Variants in CNOT1 observed in about 807,000 individuals in gnomAD.
CNOT1 encodes CCR4-associated factor 1.
A neutral mutation model predicts 273.8 loss-of-function variants in CNOT1; 15 were observed. The observed-to-expected ratio is 0.05, with a 90% CI of 0.04 to 0.08. The LOEUF is 0.08. Ranked by LOEUF, CNOT1 falls within the 10% of genes least tolerant of loss-of-function variation. The probability of loss-of-function intolerance (pLI) is 1.00; values close to 1 mark genes in which losing one functional copy is unlikely to be tolerated. For synonymous variants in CNOT1, 1,022 were observed against 1,005.5 expected (o/e 1.02, Z -0.31); for missense variants, 1,644 against 2,912.2 (o/e 0.56, Z 10.02).
At chr16:58,553,945 G>A (rs2040539971) in intron 21 of CNOT1, 85 bp from the exon 22 acceptor site, 2 of 1,439,396 alleles carry the variant, frequency 1.4e-6, no homozygotes, top group Non-Finnish European at 1.8e-6. Flanking sequence ...GCTAATCTAG[G>A]TCATTTTTTT....
At chr16:58,606,019 G>A (rs1032524904) in intron 1 of CNOT1, among the ~76,000 whole-genome samples, 1 of 152,092 alleles carries the variant, frequency 6.6e-6, no homozygotes, top group African/African-American at 2.4e-5. Context: ...CAGTGCAAAT[G>A]AAAGGTCACT....
chr16:58,524,153 G>A (rs575258716), intron 46 of CNOT1, among the ~76,000 whole-genome samples: 1 of 151,784 alleles, frequency 6.6e-6, no homozygotes, highest in South Asian at 2.1e-4. Flanking sequence ...GGGAGGCTGA[G>A]GCAGGAGAAT....
chr16:58,538,807 T>C lies in CNOT1; in HGVS notation c.5100A>G (p.Ala1700=), dbSNP rs762682617. 6.2e-7 allele frequency: 1 copy of C among 1,612,968 alleles called. No homozygotes were observed. Among genetic ancestry groups the C allele is most frequent in the Non-Finnish European group, 8.5e-7 (1 of 1,179,878 alleles). Residue 1700 remains alanine, a synonymous_variant, in exon 36 of 49, where the codon GCA becomes GCG. Transcript: ENST00000317147. ...GTTTGTTGCACCATGGAGACCCATA[T>C]GCCCGGCCATCCTGCAGAGCTTTTA... ...LVLKALQDGR[A]YGSPWCNKQI...
chr16:58,592,601 A>C (rs1597540848), intron 2 of CNOT1, among the ~76,000 whole-genome samples: 1 of 152,122 alleles, frequency 6.6e-6, no homozygotes, highest in South Asian at 2.1e-4. Context: ...TAAAACAAAC[A>C]AAGTAGTCCA....
intron 2 of CNOT1, chr16:58,597,600 T>A (rs2042310273): frequency 5.3e-6 from 2 of 376,504 alleles, no homozygotes; most frequent in Non-Finnish European, 1.0e-5. Context: ...CAGGTTTGTG[T>A]TTGGCACTTT....
At chr16:58,584,671 T>G (rs1213180490) in intron 8 of CNOT1, among the ~76,000 whole-genome samples, 1 of 152,096 alleles carries the variant, frequency 6.6e-6, no homozygotes, top group East Asian at 1.9e-4. Context: ...TTCAGTTTGA[T>G]TAACAAAAAT....
At chr16:58,543,479 A>G (rs769613128) in intron 31 of CNOT1, 128 bp downstream of exon 31, 6 of 1,520,146 alleles carry the variant, frequency 3.9e-6, no homozygotes, top group Non-Finnish European at 5.3e-6. Context: ...GATGGAAGAC[A>G]TCAAACAAAT....
Position 58,547,779 on chromosome 16 carries a change from A to G in CNOT1, c.3523-97T>C. The G allele has an allele frequency of 8.3e-7, 1 of 1,198,780 alleles. No individual in the cohort carries two copies. Among genetic ancestry groups the G allele is most frequent in the Middle Eastern group, 2.4e-4 (1 of 4,082 alleles). The allele number at this position is 1,198,780 out of a possible 1,614,324, so 74.3% of individuals were successfully genotyped here. On this transcript the variant is annotated intron_variant, in intron 25 of 48. Coordinates refer to ENST00000317147, the MANE Select transcript of CNOT1 (RefSeq NM_016284.5). The surrounding 1 kb of genome is among the most constrained non-coding windows in gnomAD (Gnocchi z 4.0). ...ATTCCATTATCCTATCCTAAAGACA[A>G]GTCATCATTTCTAAGAACAGGCCCC... is the stretch of plus-strand genomic sequence containing the variant.
chr16:58,562,229 T>C lies in CNOT1; in HGVS notation c.1980-1867A>G, dbSNP rs111986546. ...CTACATGGTAGCTGGGAGGTGGAGGTGGCTTACACCTGTAATCCCAGCACT... is the reference window on the plus strand; with the variant it reads ...CTACATGGTAGCTGGGAGGTGGAGGCGGCTTACACCTGTAATCCCAGCACT... On this transcript the variant is annotated intron_variant, in intron 16 of 48. Transcript: ENST00000317147. 2.8e-3 allele frequency among the ~76,000 whole-genome samples: 410 copies of C among 147,454 alleles called. 2 individuals carry two copies. The highest frequency in any genetic ancestry group is 9.6e-3 in the African/African-American group (385 of 40,128).
At chr16:58,623,229 TATATTTCA>T in intron 1 of CNOT1, 1 of 152,178 alleles carries the variant, frequency 6.6e-6, no homozygotes, top group Non-Finnish European at 1.5e-5. Context: ...ATCCCACTTT[TATATTTCA>T]AATAATTACT....
At chr16:58,580,804 G>C in intron 11 of CNOT1, 44 bp from the exon 12 acceptor site, 1 of 1,551,994 alleles carries the variant, frequency 6.4e-7, no homozygotes, top group Non-Finnish European at 8.8e-7. Context: ...GATTGTGAAT[G>C]CTATAAAAAT....
rs754338444 is a variant in CNOT1, at chr16:58,627,403, CAAAA to C, written c.-175+2321_-175+2324del. Among the ~76,000 whole-genome samples the C allele has an allele frequency of 7.5e-3, 486 of 65,182 alleles. 7 individuals carry two copies. The highest frequency in any genetic ancestry group is 0.033 in the African/African-American group (460 of 14,002). 42.8% of individuals were successfully genotyped at this position (65,182 alleles called of 152,430 possible). A position where few individuals can be genotyped will look rare whatever the true frequency, so the allele number is the denominator to read the frequency against. ...CTGGTGACAGAGCGAGACTCCATCT[CAAAA>C]AAAAAAAAAAAAAAAAAGTTTCTCA... is the stretch of plus-strand genomic sequence containing the variant. On this transcript the variant is annotated intron_variant, in intron 1 of 48. Coordinates refer to ENST00000317147, the MANE Select transcript of CNOT1 (RefSeq NM_016284.5).
At chr16:58,559,947 AC>A (rs2040773164) in intron 17 of CNOT1, 1 of 925,978 alleles carries the variant, frequency 1.1e-6, no homozygotes, top group Non-Finnish European at 1.6e-6. Context: ...TCAAGAGTCT[AC>A]GTAATTCATA....
intron 18 of CNOT1, among the ~76,000 whole-genome samples, chr16:58,557,862 C>G (rs2151939433): frequency 6.6e-6 from 1 of 152,082 alleles, no homozygotes; most frequent in African/African-American, 2.4e-5. Flanking sequence ...TGGTGGCGGG[C>G]ACCTGTAATC....
chr16:58,627,146 C>A lies in CNOT1; in HGVS notation c.-175+2582G>T, dbSNP rs1025223211. ...CTTCTCGGCTGGGCACCGTGGCTCA[C>A]GTCTGTAATCCCAGCACTTTGGGAG... On this transcript the variant is annotated intron_variant, in intron 1 of 48. Coordinates refer to ENST00000317147, the MANE Select transcript of CNOT1 (RefSeq NM_016284.5). Among the ~76,000 whole-genome samples the A allele has an allele frequency of 3.8e-4, 58 of 151,824 alleles. 1 individual carries two copies. Among genetic ancestry groups the A allele is most frequent in the African/African-American group, 1.4e-3 (56 of 41,330 alleles).
At chr16:58,543,094 T>C in intron 31 of CNOT1, 2 of 1,245,926 alleles carry the variant, frequency 1.6e-6, no homozygotes, top group Non-Finnish European at 1.0e-6. Context: ...CCCTGTCTCA[T>C]GAAACATTAA....
At chr16:58,575,187 C>T in intron 14 of CNOT1, 58 bp from the exon 15 acceptor site, 1 of 1,574,220 alleles carries the variant, frequency 6.4e-7, no homozygotes, top group East Asian at 2.3e-5. Flanking sequence ...CTATCTCTGT[C>T]CCATATTCTG....
At position 58,520,631 on chromosome 16, in the gene CNOT1, G is replaced by A. The variant is rs1162641575; in HGVS notation, c.*327C>T. On this transcript the variant is annotated 3_prime_UTR_variant, in exon 49 of 49. Coordinates refer to ENST00000317147, the MANE Select transcript of CNOT1 (RefSeq NM_016284.5). ...GGCATCAGCTGCCTCTTCATTACAA[G>A]GTACCAGTTTATGTACTTGCCTTGG... 3.3e-6 allele frequency: 1 copy of A among 300,686 alleles called. No individual in the cohort carries two copies. Among genetic ancestry groups the A allele is most frequent in the Non-Finnish European group, 6.3e-6 (1 of 157,748 alleles). The allele number at this position is 300,686 out of a possible 1,614,324, so 18.6% of individuals were successfully genotyped here. A position where few individuals can be genotyped will look rare whatever the true frequency, so the allele number is the denominator to read the frequency against.
chr16:58,521,008 T>G lies in CNOT1; in HGVS notation c.7081A>C (p.Met2361Leu). ...KLFQSVAQCCMGQKQAQQVME... is the reference protein window; with the variant it reads ...KLFQSVAQCCLGQKQAQQVME... ...ACTTGCTGGGCCTGCTTCTGTCCCA[T>G]GCAGCACTGTGCGACCGACTGGAAT... The change falls in exon 49 of 49, where the codon ATG becomes CTG. Residue 2361 changes from methionine to leucine, a missense_variant. By Grantham distance (15) the Met-to-Leu change is conservative. Transcript: ENST00000317147. 6.2e-7 allele frequency: 1 copy of G among 1,614,078 alleles called. No individual in the cohort carries two copies. Among genetic ancestry groups the G allele is most frequent in the Non-Finnish European group, 8.5e-7 (1 of 1,180,030 alleles).
Sources: gnomAD v4.1 joint callset for allele counts (sites outside exome capture counted in the v4.1 genomes callset) on GRCh38, gnomAD v4.1.1 for gene constraint, Gnocchi (gnomAD v3.1) non-coding constraint, MANE v1.5 for transcripts, NCBI Gene and HGNC (gene_info 2026-07-23, HGNC 2026-07-21) for gene names.